Variants in KHDRBS2 observed in about 807,000 individuals in gnomAD.
The protein encoded by KHDRBS2 is KH RNA binding domain containing, signal transduction associated 2.
Under a neutral mutation model 44.3 loss-of-function variants are expected in KHDRBS2, and 26 were observed. The ratio of observed to expected loss-of-function variants is 0.59; its 90% CI spans 0.43 to 0.81. The LOEUF (loss-of-function observed/expected upper bound fraction) is 0.81. KHDRBS2 is among the 40% of genes least tolerant of loss of function. The probability of loss-of-function intolerance (pLI) is 0.00; values close to 1 mark genes in which losing one functional copy is unlikely to be tolerated. For synonymous variants in KHDRBS2, 194 were observed against 151.1 expected (o/e 1.28, Z -2.08); for missense variants, 476 against 433.1 (o/e 1.10, Z -0.88).
At chr6:61,728,768 T>C (rs2127559177) in intron 7 of KHDRBS2, among the ~76,000 whole-genome samples, 1 of 152,288 alleles carries the variant, frequency 6.6e-6, no homozygotes, top group Non-Finnish European at 1.5e-5. Context: ...AAATAGATAC[T>C]CCAAAAATGT....
At chr6:62,169,132 TACACAC>T (rs1227817905) in intron 2 of KHDRBS2, among the ~76,000 whole-genome samples, 1 of 127,192 alleles carries the variant, frequency 7.9e-6, no homozygotes, top group Non-Finnish European at 1.7e-5. Flanking sequence ...TATATACATA[TACACAC>T]ATATATGTGT....
chr6:61,766,939 A>T (rs1308917079), intron 6 of KHDRBS2, among the ~76,000 whole-genome samples: 2 of 152,116 alleles, frequency 1.3e-5, no homozygotes, highest in Non-Finnish European at 2.9e-5. Flanking sequence ...CAGCCATTGA[A>T]TGAAATGTTC....
intron 3 of KHDRBS2, among the ~76,000 whole-genome samples, chr6:62,014,077 A>T (rs1780773931): frequency 6.6e-6 from 1 of 152,166 alleles, no homozygotes; most frequent in South Asian, 2.1e-4. Flanking sequence ...ACTGATTAAT[A>T]TTTCTAAGAA....
intron 6 of KHDRBS2, among the ~76,000 whole-genome samples, chr6:61,773,684 T>C (rs1781413240): frequency 6.6e-6 from 1 of 151,606 alleles, no homozygotes; most frequent in Non-Finnish European, 1.5e-5. Flanking sequence ...TTTGTTGCCA[T>C]TGCTTTTGGT....
intron 6 of KHDRBS2, among the ~76,000 whole-genome samples, chr6:61,822,399 ATGAATC>A (rs1181988396): frequency 9.9e-5 from 15 of 152,056 alleles, no homozygotes; most frequent in Admixed American, 3.9e-4. Context: ...TAAATATTTC[ATGAATC>A]TCTTGACTTT....
chr6:61,732,901 T>C, intron 6 of KHDRBS2, 137 bp from the exon 7 acceptor site: 2 of 609,360 alleles, frequency 3.3e-6, no homozygotes, highest in South Asian at 2.1e-5. Context: ...CACATTTTAC[T>C]AGATTAATGA....
chr6:61,789,340 A>G (rs1482819941), intron 6 of KHDRBS2, among the ~76,000 whole-genome samples: 2 of 151,570 alleles, frequency 1.3e-5, no homozygotes. Flanking sequence ...GCAAGAAACT[A>G]AATGAAGTTA....
intron 2 of KHDRBS2, among the ~76,000 whole-genome samples, chr6:62,107,434 A>G (rs185670918): frequency 2.6e-5 from 4 of 152,198 alleles, no homozygotes; most frequent in African/African-American, 4.8e-5. Context: ...CTGCTCAGTG[A>G]AATAAAAGAG....
intron 3 of KHDRBS2, among the ~76,000 whole-genome samples, chr6:61,990,664 T>C (rs147368338): frequency 5.5e-4 from 84 of 152,226 alleles, no homozygotes; most frequent in African/African-American, 1.9e-3. Flanking sequence ...ACACACATAA[T>C]TTTATTTTGT....
intron 1 of KHDRBS2, among the ~76,000 whole-genome samples, chr6:62,184,849 C>A (rs933123664): frequency 6.6e-6 from 1 of 151,696 alleles, no homozygotes; most frequent in Non-Finnish European, 1.5e-5. Context: ...ATATAAGGTG[C>A]CTCAAATTCA....
At chr6:62,238,008 G>A (rs536189363) in intron 1 of KHDRBS2, among the ~76,000 whole-genome samples, 22 of 146,608 alleles carry the variant, frequency 1.5e-4, no homozygotes, top group African/African-American at 5.1e-4. Context: ...AGCAGTGATC[G>A]CACCATTGCA....
At chr6:61,894,985 T>C (rs2127334181) in intron 5 of KHDRBS2, 152 bp from the exon 6 acceptor site, 2 of 587,464 alleles carry the variant, frequency 3.4e-6, no homozygotes, top group East Asian at 2.8e-5. Flanking sequence ...ATGCATTTAA[T>C]AGAAATTATA....
At chr6:61,953,622 T>G (rs1231753990) in intron 4 of KHDRBS2, among the ~76,000 whole-genome samples, 1 of 152,032 alleles carries the variant, frequency 6.6e-6, no homozygotes, top group Non-Finnish European at 1.5e-5. Flanking sequence ...AACAAAGTTG[T>G]AAAAATATAA....
chr6:61,579,837 C>T, the KHDRBS2 span, among the ~76,000 whole-genome samples: 2 of 144,742 alleles, frequency 1.4e-5, no homozygotes, highest in South Asian at 2.3e-4. Context: ...GTGGGTGGAT[C>T]GCCTGAGGTT....
At chr6:61,961,209 C>T (rs565822710) in intron 4 of KHDRBS2, among the ~76,000 whole-genome samples, 1 of 152,180 alleles carries the variant, frequency 6.6e-6, no homozygotes, top group South Asian at 2.1e-4. Context: ...TGAGTGCTTA[C>T]TATTGCCAGG....
the KHDRBS2 span, among the ~76,000 whole-genome samples, chr6:61,584,343 C>T: frequency 6.6e-6 from 1 of 151,712 alleles, no homozygotes; most frequent in Non-Finnish European, 1.5e-5. Flanking sequence ...TACATTAGCT[C>T]TAAGTTTTTC....
chr6:61,634,609 CATG>C, the KHDRBS2 span, among the ~76,000 whole-genome samples: 1 of 151,998 alleles, frequency 6.6e-6, no homozygotes. Flanking sequence ...AAATTCTCCC[CATG>C]ATTTTTGATT....
At chr6:62,015,474 C>T (rs1339933325) in intron 3 of KHDRBS2, among the ~76,000 whole-genome samples, 2 of 152,072 alleles carry the variant, frequency 1.3e-5, no homozygotes, top group Non-Finnish European at 2.9e-5. Context: ...TTAGGCAGTA[C>T]TATGTAGTCT....
intron 4 of KHDRBS2, among the ~76,000 whole-genome samples, chr6:61,916,419 TTA>T (rs1807009247): frequency 6.6e-6 from 1 of 150,768 alleles, no homozygotes; most frequent in South Asian, 2.1e-4. Context: ...TGTGGTATAT[TTA>T]TACATATATA....
Sources: gnomAD v4.1 joint callset for allele counts (sites outside exome capture counted in the v4.1 genomes callset) on GRCh38, gnomAD v4.1.1 for gene constraint, MANE v1.5 for transcripts, NCBI Gene and HGNC (gene_info 2026-07-23, HGNC 2026-07-21) for gene names.